The following RRP15 variants were observed in gnomAD, a reference collection of about 807,000 sequenced individuals.
RRP15 encodes the protein ribosomal RNA processing 15 homolog, also known as RRP15-like protein.
Under a neutral mutation model 27.1 loss-of-function variants are expected in RRP15, and 18 were observed. The observed-to-expected ratio is 0.66, with a 90% CI of 0.46 to 0.98. The LOEUF (loss-of-function observed/expected upper bound fraction) is 0.98, where lower values mean the gene tolerates loss of function less well. Ranked by LOEUF, RRP15 falls within the 50% of genes least tolerant of loss-of-function variation. RRP15 has a pLI of 0.00. For synonymous variants in RRP15, 107 were observed against 109.4 expected (o/e 0.98, Z 0.14); for missense variants, 359 against 337.8 (o/e 1.06, Z -0.49).
intron 4 of RRP15, among the ~76,000 whole-genome samples, chr1:218,327,229 T>C (rs1656287567): frequency 6.6e-6 from 1 of 152,228 alleles, no homozygotes; most frequent in South Asian, 2.1e-4. Context: ...ATGGGCCCTC[T>C]GCCTTTTTTC....
At chr1:218,285,860 T>C (rs76338958) in intron 1 of RRP15, among the ~76,000 whole-genome samples, 4,876 of 152,030 alleles carry the variant, frequency 0.032, 246 homozygotes, top group African/African-American at 0.11. Flanking sequence ...TACTTGACTT[T>C]TTGTGCGGTA....
intron 1 of RRP15, among the ~76,000 whole-genome samples, chr1:218,300,941 C>T (rs893984308): frequency 2.6e-5 from 4 of 152,146 alleles, no homozygotes; most frequent in African/African-American, 9.7e-5. Context: ...AAGTAAGGAG[C>T]AGCAGGAAAC....
intron 4 of RRP15, among the ~76,000 whole-genome samples, chr1:218,319,349 G>A (rs1165142494): frequency 1.3e-5 from 2 of 152,222 alleles, no homozygotes; most frequent in Non-Finnish European, 2.9e-5. Context: ...ACAGACGTGA[G>A]CCACTGTGCC....
chr1:218,317,380 A>G (rs927422415), intron 4 of RRP15, among the ~76,000 whole-genome samples: 3 of 152,246 alleles, frequency 2.0e-5, no homozygotes, highest in African/African-American at 7.2e-5. Flanking sequence ...GATAAGCCAC[A>G]GTGTCAGCAA....
rs564339028 is a variant in RRP15, at chr1:218,325,021, A to C, written c.706-5927A>C. Among the ~76,000 whole-genome samples, 4 of 152,136 alleles carry C rather than the reference A, an allele frequency of 2.6e-5. No homozygotes were observed. In the East Asian group the frequency reaches 7.7e-4, roughly 29 times the overall value. On this transcript the variant is annotated intron_variant, in intron 4 of 4. Coordinates refer to ENST00000366932, the MANE Select transcript of RRP15 (RefSeq NM_016052.4). ...CTTCACTCTTGTCATCTGGGACTTAAATTTTCTTTGATCCTTGGAATTTCT... is the reference window on the plus strand; with the variant it reads ...CTTCACTCTTGTCATCTGGGACTTACATTTTCTTTGATCCTTGGAATTTCT...
intron 1 of RRP15, among the ~76,000 whole-genome samples, chr1:218,297,278 TC>T (rs1655736110): frequency 6.6e-6 from 1 of 152,130 alleles, no homozygotes; most frequent in Non-Finnish European, 1.5e-5. Flanking sequence ...ATTTAACACC[TC>T]ACATGAATTC....
At chr1:218,330,010 T>C (rs1656341644) in intron 4 of RRP15, among the ~76,000 whole-genome samples, 2 of 152,258 alleles carry the variant, frequency 1.3e-5, no homozygotes, top group African/African-American at 4.8e-5. Context: ...CCAAATGTCA[T>C]GGGTTCTTGT....
At chr1:218,297,528 A>G (rs1029614488) in intron 1 of RRP15, among the ~76,000 whole-genome samples, 5 of 151,442 alleles carry the variant, frequency 3.3e-5, no homozygotes, top group Admixed American at 3.3e-4. Flanking sequence ...AGAAACTAAG[A>G]CAGAAGACTT....
chr1:218,311,005 T>C (rs1655986749), intron 4 of RRP15, among the ~76,000 whole-genome samples: 1 of 152,112 alleles, frequency 6.6e-6, no homozygotes, highest in African/African-American at 2.4e-5. Context: ...TGCCTCGGCC[T>C]CCCAAAGTGC....
chr1:218,303,892 A>T (rs1407462504), intron 2 of RRP15, among the ~76,000 whole-genome samples: 1 of 152,248 alleles, frequency 6.6e-6, no homozygotes, highest in Non-Finnish European at 1.5e-5. Context: ...AATCATAAAT[A>T]CAAAAACAAA....
chr1:218,289,541 C>A (rs1038044476), intron 1 of RRP15, among the ~76,000 whole-genome samples: 2 of 152,202 alleles, frequency 1.3e-5, no homozygotes, highest in Non-Finnish European at 2.9e-5. Flanking sequence ...CTGCTTCTGT[C>A]TCTAAGAAAG....
At chr1:218,298,563 G>A (rs914777537) in intron 1 of RRP15, among the ~76,000 whole-genome samples, 1 of 152,094 alleles carries the variant, frequency 6.6e-6, no homozygotes, top group African/African-American at 2.4e-5. Flanking sequence ...CTAACCATTC[G>A]TATCTGGGGT....
chr1:218,330,529 C>G (rs545149691), intron 4 of RRP15, among the ~76,000 whole-genome samples: 3 of 152,062 alleles, frequency 2.0e-5, no homozygotes, highest in Non-Finnish European at 2.9e-5. Flanking sequence ...GGTTAAATGC[C>G]TTTGTTAAAT....
At chr1:218,300,490 A>G (rs1476138282) in intron 1 of RRP15, among the ~76,000 whole-genome samples, 2 of 152,204 alleles carry the variant, frequency 1.3e-5, no homozygotes, top group Admixed American at 6.5e-5. Flanking sequence ...ATAATGCCCA[A>G]ATTGCAAGTA....
chr1:218,285,775 G>C (rs1050502548), intron 1 of RRP15, among the ~76,000 whole-genome samples: 2 of 152,046 alleles, frequency 1.3e-5, no homozygotes, highest in Admixed American at 6.6e-5. Context: ...GAGGGTACTT[G>C]AAAACAGGAG....
chr1:218,323,443 T>C (rs1656219939), intron 4 of RRP15, among the ~76,000 whole-genome samples: 1 of 152,188 alleles, frequency 6.6e-6, no homozygotes, highest in African/African-American at 2.4e-5. Flanking sequence ...GGGCTTTTTA[T>C]GGGCCTTAGA....
intron 4 of RRP15, among the ~76,000 whole-genome samples, chr1:218,329,771 A>G (rs1229223392): frequency 6.6e-6 from 1 of 152,074 alleles, no homozygotes; most frequent in Non-Finnish European, 1.5e-5. Flanking sequence ...GACCTCAAGA[A>G]GACAAGAGTG....
intron 4 of RRP15, among the ~76,000 whole-genome samples, chr1:218,317,197 A>G (rs1192279240): frequency 1.3e-5 from 2 of 152,256 alleles, no homozygotes; most frequent in African/African-American, 2.4e-5. Flanking sequence ...TACGTGATAC[A>G]CAATGACTCG....
intron 4 of RRP15, among the ~76,000 whole-genome samples, chr1:218,327,399 C>G (rs138634381): frequency 3.3e-5 from 5 of 150,994 alleles, no homozygotes; most frequent in African/African-American, 1.2e-4. Flanking sequence ...ACCTCCTCCT[C>G]CTAAGTGATT....
Sources: gnomAD v4.1 joint callset for allele counts (sites outside exome capture counted in the v4.1 genomes callset) on GRCh38, gnomAD v4.1.1 for gene constraint, MANE v1.5 for transcripts, NCBI Gene and HGNC (gene_info 2026-07-23, HGNC 2026-07-21) for gene names.